SETD4: variants seen among roughly 807,000 people sequenced by gnomAD.
SETD4 encodes SET domain containing 4, also known as SET domain-containing protein 4.
Under a neutral mutation model 58.3 loss-of-function variants are expected in SETD4, and 46 were observed. The ratio of observed to expected loss-of-function variants is 0.79; its 90% CI spans 0.62 to 1.01. SETD4 has a LOEUF of 1.01. Among genes scored for constraint, SETD4 ranks in the 50% least tolerant of loss-of-function variants. SETD4 has a pLI of 0.00. For synonymous variants in SETD4, 190 were observed against 202.6 expected, an observed-to-expected ratio of 0.94 and a Z score of 0.53; for missense variants, 490 against 523.3, an observed-to-expected ratio of 0.94 and a Z score of 0.62.
chr21:36,041,875 T>G lies in SETD4; in HGVS notation c.915A>C (p.Lys305Asn). The G allele has an allele frequency of 4.8e-6, 7 of 1,450,396 alleles. No individual in the cohort carries two copies. The South Asian group carries it at 7.7e-5, about 16-fold the overall frequency. 89.8% of individuals were successfully genotyped at this position (1,450,396 alleles called of 1,614,324 possible). ...TCTGTTTATCTGTTGATGGAAGATA[T>G]TTAACAAGTATTTCTATATTCAAAA... ...CVYVSREILV[K>N]YLPSTDKQMD... is the part of the protein sequence containing the mutation. Residue 305 changes from lysine to asparagine, a missense_variant, in exon 8 of 12, where the codon AAA (lysine) becomes AAC (asparagine). By Grantham distance (94) the Lys-to-Asn change is moderately conservative (BLOSUM62 0). Transcript: ENST00000332131.
At position 36,043,892 on chromosome 21, in the gene SETD4, T is replaced by C. The variant is rs778684117; in HGVS notation, c.791A>G (p.Lys264Arg). 11 of 1,614,138 alleles carry C rather than the reference T, an allele frequency of 6.8e-6. No homozygotes were observed. In the Admixed American group the frequency reaches 1.2e-4, roughly 17 times the overall value. The change falls in exon 7 of 12, where the codon AAG (lysine) becomes AGG (arginine). Residue 264 changes from lysine (K) to arginine (R), a missense_variant. Transcript: ENST00000332131. Reference sequence around the variant, plus strand: ...GTAACAGATGAATACCTCTTCATGCTTTCTCCAACGTGAAGTCGTTCTAAT... The same window carrying C: ...GTAACAGATGAATACCTCTTCATGCCTTCTCCAACGTGAAGTCGTTCTAAT... ...YEIRTTSRWR[K>R]HEEVFICYGP...
intron 4 of SETD4, among the ~76,000 whole-genome samples, chr21:36,052,592 GAA>G (rs375733735): frequency 2.1e-5 from 3 of 139,842 alleles, no homozygotes; most frequent in African/African-American, 7.9e-5. Context: ...TTTATCTACT[GAA>G]AAAAAAAAGA....
rs753612756 is a variant in SETD4, at chr21:36,038,206, T to A, written c.1132A>T (p.Ile378Leu). The change falls in exon 10 of 12, where the codon ATA becomes TTA. Residue 378 changes from isoleucine (I) to leucine (L), a missense_variant. Ile to Leu is a conservative substitution (Grantham distance 5). Coordinates refer to ENST00000332131, the MANE Select transcript of SETD4 (RefSeq NM_017438.5). ...AAATAATAGCATATTTTCTGGGCTATGTCCAAACTTGTCTTCTCATTCGTA... is the reference window on the plus strand; with the variant it reads ...AAATAATAGCATATTTTCTGGGCTAAGTCCAAACTTGTCTTCTCATTCGTA... ...SDTNEKTSLD[I>L]AQKICYYFIE... The A allele has an allele frequency of 1.2e-6, 2 of 1,614,160 alleles. No individual in the cohort carries two copies. The highest frequency in any genetic ancestry group is 1.7e-6 in the Non-Finnish European group (2 of 1,179,994).
At chr21:36,039,290 G>C (rs574510106) in intron 9 of SETD4, among the ~76,000 whole-genome samples, 1 of 152,294 alleles carries the variant, frequency 6.6e-6, no homozygotes, top group South Asian at 2.1e-4. Context: ...CTGAGTGACA[G>C]AGCTAGTGAG....
At chr21:36,041,461 T>C (rs1353239523) in intron 8 of SETD4, among the ~76,000 whole-genome samples, 1 of 152,314 alleles carries the variant, frequency 6.6e-6, no homozygotes, top group East Asian at 1.9e-4. Flanking sequence ...TGTTGCCAGG[T>C]GCGTGGGCTC....
In SETD4 at chr21:36,034,675, C is replaced by G. The variant is rs1182326785; in HGVS notation, c.*1318G>C. 1 of 152,120 alleles carries G rather than the reference C, an allele frequency of 6.6e-6. No individual in the cohort carries two copies. The allele number at this position is 152,120 out of a possible 1,614,324, so 9.4% of individuals were successfully genotyped here. ...TAGCACAGGGGTCAGGAAACTATGG[C>G]CCACCACCTGTCGTTGTCAGTAGTT... On this transcript the variant is annotated 3_prime_UTR_variant, in exon 12 of 12. Coordinates refer to ENST00000332131, the MANE Select transcript of SETD4 (RefSeq NM_017438.5).
chr21:36,045,841 T>G lies in SETD4; in HGVS notation c.467A>C (p.Lys156Thr). The change falls in exon 6 of 12, where the codon AAA becomes ACA. Residue 156 changes from lysine (K) to threonine (T), a missense_variant. Physicochemically the swap from Lys to Thr is moderately conservative, Grantham distance 78 (BLOSUM62 -1). Coordinates refer to ENST00000332131, the MANE Select transcript of SETD4 (RefSeq NM_017438.5). ...EVVNLLPKSL[K>T]AKAEEQRAHV... is the part of the protein sequence containing the mutation. ...GGCTCTCTGCTCTTCAGCCTTTGCT[T>G]TTAAAGATTTGGGAAGAAGGTTCAC... 1 of 1,614,164 alleles carries G rather than the reference T, an allele frequency of 6.2e-7. No homozygotes were observed. Among genetic ancestry groups the G allele is most frequent in the Non-Finnish European group, 8.5e-7 (1 of 1,180,030 alleles).
At chr21:36,045,190 CGA>C (rs2064250720) in intron 6 of SETD4, among the ~76,000 whole-genome samples, 1 of 152,152 alleles carries the variant, frequency 6.6e-6, no homozygotes, top group South Asian at 2.1e-4. Flanking sequence ...GCGATCAGAG[CGA>C]AGAGAAATGC....
intron 10 of SETD4, 34 bp downstream of exon 10, chr21:36,038,116 A>G: frequency 6.3e-7 from 1 of 1,596,736 alleles, no homozygotes; most frequent in Non-Finnish European, 8.5e-7. Flanking sequence ...GAATCAAGAC[A>G]CTTCTTTAAG....
intron 8 of SETD4, among the ~76,000 whole-genome samples, chr21:36,041,541 C>A (rs1296642616): frequency 1.3e-5 from 2 of 152,228 alleles, no homozygotes; most frequent in East Asian, 3.8e-4. Context: ...CACCCATCAA[C>A]ACATCCAAGC....
Position 36,036,094 on chromosome 21 carries a change from T to G in SETD4, c.*23A>C. Reference sequence around the variant, plus strand: ...TGTGACTAACACCCACCAGAGGAGGTGACCAAATGCGCTTCGGTGAAATCA... The same window carrying G: ...TGTGACTAACACCCACCAGAGGAGGGGACCAAATGCGCTTCGGTGAAATCA... On this transcript the variant is annotated 3_prime_UTR_variant, in exon 11 of 12. Transcript: ENST00000332131. The G allele has an allele frequency of 4.3e-6, 7 of 1,614,108 alleles. No homozygotes were observed. Among genetic ancestry groups the G allele is most frequent in the Non-Finnish European group, 5.9e-6 (7 of 1,180,018 alleles).
chr21:36,050,557 A>T (rs1413973515), intron 4 of SETD4: 18 of 1,613,564 alleles, frequency 1.1e-5, no homozygotes, highest in Non-Finnish European at 1.4e-5. Context: ...AACTGCGTTA[A>T]TAAGTTCTGG....
chr21:36,045,575 T>G lies in SETD4; in HGVS notation c.726+7A>C. 1 of 1,610,452 alleles carries G rather than the reference T, an allele frequency of 6.2e-7. No individual in the cohort carries two copies. The highest frequency in any genetic ancestry group is 8.5e-7 in the Non-Finnish European group (1 of 1,177,272). ...ATAGAATAGCTGCTCCCTTGTCAGC[T>G]TCTCACCTGGACATGTGGGCTATGA... On this transcript the variant is annotated splice_region_variant and intron_variant, in intron 6 of 11. Transcript: ENST00000332131.
intron 6 of SETD4, among the ~76,000 whole-genome samples, 161 bp from the exon 7 acceptor site, chr21:36,044,117 C>A (rs951174392): frequency 1.3e-5 from 2 of 152,264 alleles, no homozygotes; most frequent in African/African-American, 4.8e-5. Flanking sequence ...GTTTCATCCA[C>A]CTCGACTTCA....
At position 36,049,928 on chromosome 21, in the gene SETD4, C is replaced by T. The variant is rs13046276; in HGVS notation, c.208-1532G>A. Among the ~76,000 whole-genome samples, 7 of 152,292 alleles carry T rather than the reference C, an allele frequency of 4.6e-5. No individual in the cohort carries two copies. In the East Asian group the frequency reaches 9.7e-4, roughly 21 times the overall value. On this transcript the variant is annotated intron_variant, in intron 4 of 11. Transcript: ENST00000332131. ...CTGCTACAGAATAAAGTCAATTACA[C>T]CTTCCTCCAAAAACAAAAATATTGT...
chr21:36,036,094 T>C lies in SETD4; in HGVS notation c.*23A>G. The C allele has an allele frequency of 1.2e-6, 2 of 1,614,108 alleles. No individual in the cohort carries two copies. Among genetic ancestry groups the C allele is most frequent in the Non-Finnish European group, 1.7e-6 (2 of 1,180,018 alleles). On this transcript the variant is annotated 3_prime_UTR_variant, in exon 11 of 12. Transcript: ENST00000332131. ...TGTGACTAACACCCACCAGAGGAGGTGACCAAATGCGCTTCGGTGAAATCA... is the reference window on the plus strand; with the variant it reads ...TGTGACTAACACCCACCAGAGGAGGCGACCAAATGCGCTTCGGTGAAATCA...
chr21:36,060,461 G>A lies in SETD4; in HGVS notation c.-151C>T, dbSNP rs1483137681. 1 of 152,510 alleles carries A rather than the reference G, an allele frequency of 6.6e-6. No individual in the cohort carries two copies. The highest frequency in any genetic ancestry group is 6.5e-5 in the Admixed American group (1 of 15,292). 9.4% of individuals were successfully genotyped at this position (152,510 alleles called of 1,614,324 possible). ...GTTAAAGGAACCGGCCAAAACTGCA[G>A]AGGGAGAGGCTGAAGGCTGTCGCGC... On this transcript the variant is annotated 5_prime_UTR_variant, in exon 1 of 12. Transcript: ENST00000332131.
intron 7 of SETD4, chr21:36,043,468 GACA>G (rs10533010): frequency 0.37 from 404,500 of 1,085,960 alleles, 78,184 homozygotes; most frequent in Admixed American, 0.42. Flanking sequence ...TAGTGCCAGT[GACA>G]ACGTCTCAGT....
At chr21:36,038,891 G>A (rs993555623) in intron 9 of SETD4, among the ~76,000 whole-genome samples, 2 of 152,094 alleles carry the variant, frequency 1.3e-5, no homozygotes, top group African/African-American at 4.8e-5. Flanking sequence ...AGCAGGATGC[G>A]GAGCAGAGGT....
Sources: gnomAD v4.1 joint callset for allele counts (sites outside exome capture counted in the v4.1 genomes callset) on GRCh38, gnomAD v4.1.1 for gene constraint, MANE v1.5 for transcripts, NCBI Gene and HGNC (gene_info 2026-07-23, HGNC 2026-07-21) for gene names.